POMGNT1: variants seen among roughly 807,000 people sequenced by gnomAD.
POMGNT1 encodes protein O-linked-mannose beta-1,2-N-acetylglucosaminyltransferase 1.
Under a neutral mutation model 95.6 loss-of-function variants are expected in POMGNT1, and 67 were observed. That is an observed-to-expected ratio of 0.70 (90% confidence interval 0.58 to 0.86). The LOEUF (loss-of-function observed/expected upper bound fraction) is 0.86. POMGNT1 is among the 40% of genes least tolerant of loss of function. The pLI is 0.00. For missense variants in POMGNT1, 719 were observed against 855.2 expected, an observed-to-expected ratio of 0.84 and a Z score of 1.99; for synonymous variants, 298 against 317.9, an observed-to-expected ratio of 0.94 and a Z score of 0.66.
chr1:46,203,485 G>T (rs981456825), intron 1 of POMGNT1: 4 of 1,532,036 alleles, frequency 2.6e-6, no homozygotes, highest in Admixed American at 4.1e-5. Flanking sequence ...GGTAAGGTGG[G>T]CAGGAAGACC....
At chr1:46,192,250 T>A in intron 16 of POMGNT1, 27 bp from the exon 17 acceptor site, 1 of 1,614,044 alleles carries the variant, frequency 6.2e-7, no homozygotes, top group South Asian at 1.1e-5. Context: ...ACGATGAAGG[T>A]TAAGATGTTT....
chr1:46,191,922 C>T, intron 17 of POMGNT1, 176 bp downstream of exon 17: 4 of 1,065,914 alleles, frequency 3.8e-6, no homozygotes, highest in Non-Finnish European at 5.4e-6. Context: ...GCGTGAGCCA[C>T]CGCGCCCAGC....
intron 6 of POMGNT1, 43 bp downstream of exon 6, chr1:46,195,768 G>A (rs1406535012): frequency 6.6e-7 from 1 of 1,523,710 alleles, no homozygotes; most frequent in African/African-American, 1.4e-5. Flanking sequence ...AAGCAGGGTT[G>A]GAGCTAGGGA....
exon 1 of POMGNT1, chr1:46,219,831 C>T: frequency 6.2e-7 from 1 of 1,614,188 alleles, no homozygotes; most frequent in Non-Finnish European, 8.5e-7. Context: ...CACCAGCAGT[C>T]AATATAGCCT....
chr1:46,190,022 C>T (rs1249314173), intron 19 of POMGNT1, 33 bp from the exon 20 acceptor site: 2 of 1,612,264 alleles, frequency 1.2e-6, no homozygotes, highest in East Asian at 2.2e-5. Context: ...ATAGCCAAGA[C>T]AGGGCCCACT....
At chr1:46,211,809 A>G (rs890374862) in intron 1 of POMGNT1, among the ~76,000 whole-genome samples, 3 of 151,922 alleles carry the variant, frequency 2.0e-5, no homozygotes, top group African/African-American at 7.3e-5. Context: ...CTGTTGCCCA[A>G]GCTGGAGTGC....
intron 17 of POMGNT1, 166 bp downstream of exon 17, chr1:46,191,932 C>A (rs954835264): frequency 1.7e-6 from 2 of 1,180,094 alleles, no homozygotes; most frequent in Non-Finnish European, 2.4e-6. Context: ...CCGCGCCCAG[C>A]CCTTTATCCT....
upstream of POMGNT1, among the ~76,000 whole-genome samples, chr1:46,201,711 A>G (rs984526873): frequency 2.6e-5 from 4 of 151,690 alleles, no homozygotes; most frequent in South Asian, 8.3e-4. Flanking sequence ...AAAAAAAAAA[A>G]AAAGAAAAAA....
chr1:46,194,041 T>C lies in POMGNT1; in HGVS notation c.880-116A>G, dbSNP rs761877469. The C allele has an allele frequency of 9.0e-6, 14 of 1,556,640 alleles. No homozygotes were observed. The African/African-American group carries it at 9.4e-5, about 10-fold the overall frequency. On this transcript the variant is annotated intron_variant, in intron 9 of 21. Transcript: ENST00000371984. The stretch of plus-strand genomic sequence containing the variant: ...CAGACTGGAGTAGACAGGGAAGGGA[T>C]AGAGGATCTTCCCTGTTCTGGGCTC...
chr1:46,194,346 G>A lies in POMGNT1; in HGVS notation c.807C>T (p.Cys269=), dbSNP rs1285062976. The A allele has an allele frequency of 3.7e-6, 6 of 1,614,240 alleles. No homozygotes were observed. Among genetic ancestry groups the A allele is most frequent in the Admixed American group, 3.3e-5 (2 of 60,032 alleles). ...CACTTCCATAGCCCTCAACTTTGCTGCAGAAGCGCCGGCGGCGACGGTTCA... is the reference window on the plus strand; with the variant it reads ...CACTTCCATAGCCCTCAACTTTGCTACAGAAGCGCCGGCGGCGACGGTTCA... ...TELNRRRRRF[C]SKVEGYGSVC... The change falls in exon 9 of 22, where the codon TGC becomes TGT. Residue 269 remains cysteine, a synonymous_variant. Coordinates refer to ENST00000371984, the MANE Select transcript of POMGNT1 (RefSeq NM_017739.4).
At chr1:46,190,941 C>T (rs1657718325) in intron 17 of POMGNT1, 157 bp from the exon 18 acceptor site, 1 of 720,434 alleles carries the variant, frequency 1.4e-6, no homozygotes, top group Non-Finnish European at 2.5e-6. Flanking sequence ...TTTGCAGCAT[C>T]CTCAGCAAGC....
intron 1 of POMGNT1, among the ~76,000 whole-genome samples, chr1:46,207,826 C>T (rs1658767004): frequency 6.6e-6 from 1 of 152,024 alleles, no homozygotes; most frequent in Non-Finnish European, 1.5e-5. Context: ...GCATGAGCCA[C>T]TGCACCTGGC....
intron 2 of POMGNT1, 81 bp from the exon 3 acceptor site, chr1:46,197,165 G>T: frequency 6.2e-7 from 1 of 1,609,550 alleles, no homozygotes; most frequent in Non-Finnish European, 8.5e-7. Flanking sequence ...GGCCCTGGCT[G>T]CAGTGAAGAC....
intron 17 of POMGNT1, chr1:46,191,243 C>A (rs1469003746): frequency 2.0e-5 from 5 of 251,438 alleles, no homozygotes; most frequent in East Asian, 2.0e-4. Context: ...TATTAGTCAG[C>A]CTCTGAGGGA....
intron 17 of POMGNT1, chr1:46,191,885 C>T (rs899199617): frequency 2.3e-5 from 14 of 613,024 alleles, no homozygotes; most frequent in South Asian, 2.2e-4. Context: ...CCACCCGCAT[C>T]GGCCTCCCAA....
chr1:46,209,627 C>T (rs1658830831), intron 1 of POMGNT1, among the ~76,000 whole-genome samples: 1 of 151,564 alleles, frequency 6.6e-6, no homozygotes, highest in African/African-American at 2.4e-5. Context: ...TCACTGCAGC[C>T]TCAGCCTCCC....
rs981615564 is a variant in POMGNT1, at chr1:46,197,638, G to C, written c.120+64C>G. On this transcript the variant is annotated intron_variant, in intron 2 of 21. Transcript: ENST00000371984. ...CTGGCCAACAGGGGTCCCAGTGCCT[G>C]ATTTAGGTGGGGAGGAAGCTGGGAG... The C allele has an allele frequency of 7.5e-6, 12 of 1,608,362 alleles. No individual in the cohort carries two copies. In the Admixed American group the frequency reaches 1.8e-4, roughly 25 times the overall value.
At chr1:46,212,207 T>C (rs1557685069) in intron 1 of POMGNT1, among the ~76,000 whole-genome samples, 1 of 152,204 alleles carries the variant, frequency 6.6e-6, no homozygotes, top group Non-Finnish European at 1.5e-5. Context: ...CTGACCTGTA[T>C]ATGTAAATAC....
chr1:46,192,705 C>A, intron 14 of POMGNT1, 115 bp from the exon 15 acceptor site: 1 of 1,599,622 alleles, frequency 6.3e-7, no homozygotes, highest in Non-Finnish European at 8.5e-7. Flanking sequence ...GGAGTACCTC[C>A]TTCCCCCAAA....
Sources: allele counts gnomAD v4.1 joint callset (sites outside exome capture counted in the v4.1 genomes callset), GRCh38; gene constraint gnomAD v4.1.1; transcripts MANE v1.5; gene names NCBI Gene and HGNC (gene_info 2026-07-23, HGNC 2026-07-21).